Variants in CFAP418 observed in about 807,000 individuals in gnomAD.
The protein encoded by CFAP418 is cilia- and flagella-associated protein 418.
Under a neutral mutation model 24.7 loss-of-function variants are expected in CFAP418, and 27 were observed. The ratio of observed to expected loss-of-function variants is 1.09; its 90% CI spans 0.81 to 1.51. The LOEUF is 1.51. CFAP418 is among the 40% of genes most tolerant of loss of function. CFAP418 has a pLI of 0.00. For missense variants in CFAP418, 257 were observed against 255.2 expected, an observed-to-expected ratio of 1.01 and a Z score of -0.05; for synonymous variants, 74 against 87.3, an observed-to-expected ratio of 0.85 and a Z score of 0.85.
rs1812046020 is a variant in CFAP418, at chr8:95,268,467, T to G, written c.155+568A>C. Among the ~76,000 whole-genome samples the G allele has an allele frequency of 4.0e-5, 6 of 151,770 alleles. No homozygotes were observed. In the South Asian group the frequency reaches 1.0e-3, roughly 26 times the overall value. On this transcript the variant is annotated intron_variant, in intron 1 of 5. Coordinates refer to ENST00000286688, the MANE Select transcript of CFAP418 (RefSeq NM_177965.4). ...TCCAACCTGGGCGACAGAGCGAGACTCCATCTCAAAAAACAAACAAAACAA... is the reference window on the plus strand; with the variant it reads ...TCCAACCTGGGCGACAGAGCGAGACGCCATCTCAAAAAACAAACAAAACAA...
intron 2 of CFAP418, among the ~76,000 whole-genome samples, chr8:95,260,942 C>A (rs1811878211): frequency 6.6e-6 from 1 of 152,096 alleles, no homozygotes; most frequent in Non-Finnish European, 1.5e-5. Flanking sequence ...GAATGTGCGT[C>A]ATATGAATTA....
At chr8:95,263,140 G>A (rs1811921606) in intron 2 of CFAP418, among the ~76,000 whole-genome samples, 1 of 152,132 alleles carries the variant, frequency 6.6e-6, no homozygotes. Flanking sequence ...AAAAGGTCCA[G>A]TAAAGCAAAT....
At chr8:95,248,742 G>T (rs1811664762) in intron 5 of CFAP418, among the ~76,000 whole-genome samples, 1 of 151,930 alleles carries the variant, frequency 6.6e-6, no homozygotes, top group South Asian at 2.1e-4. Context: ...GCAAAGAAAA[G>T]TAGAAAAAAT....
In CFAP418 at chr8:95,263,689, A is replaced by G; in HGVS notation, c.241T>C (p.Ser81Pro). The change falls in exon 2 of 6, where the codon TCT becomes CCT. Residue 81 changes from serine to proline, a missense_variant and splice_region_variant. Coordinates refer to ENST00000286688, the MANE Select transcript of CFAP418 (RefSeq NM_177965.4). ...LEEPNLDKKPSKLKSKSSGNT... is the reference protein window; with the variant it reads ...LEEPNLDKKPPKLKSKSSGNT... ...CATATTTATAACACTTGACTTACAG[A>G]GGGTTTTTTGTCCAAGTTGGGCTCT... is the stretch of plus-strand genomic sequence containing the variant. The G allele has an allele frequency of 6.3e-7, 1 of 1,579,990 alleles. No individual in the cohort carries two copies. The highest frequency in any genetic ancestry group is 8.7e-7 in the Non-Finnish European group (1 of 1,149,968).
intron 1 of CFAP418, 33 bp from the exon 2 acceptor site, chr8:95,263,807 C>T (rs1472763112): frequency 7.5e-7 from 1 of 1,334,294 alleles, no homozygotes; most frequent in Non-Finnish European, 1.1e-6. Context: ...GAAAACTTAC[C>T]TGAGGTTTAT....
intron 4 of CFAP418, among the ~76,000 whole-genome samples, chr8:95,254,104 C>T (rs549703099): frequency 4.6e-5 from 7 of 152,266 alleles, no homozygotes; most frequent in South Asian, 2.1e-4. Flanking sequence ...TCCACTGCTA[C>T]GATTTACTCT....
At chr8:95,251,673 A>G (rs1057258430) in intron 5 of CFAP418, among the ~76,000 whole-genome samples, 12 of 152,234 alleles carry the variant, frequency 7.9e-5, no homozygotes, top group Middle Eastern at 3.2e-3. Context: ...CTTGTCCAGA[A>G]GTAACATGTC....
chr8:95,268,198 G>C (rs2132168724), intron 1 of CFAP418, among the ~76,000 whole-genome samples: 1 of 152,266 alleles, frequency 6.6e-6, no homozygotes, highest in East Asian at 1.9e-4. Context: ...TGTAATCCTA[G>C]CAGTTAGGGG....
rs1464210060 is a variant in CFAP418 at position 95,269,085 on chromosome 8, G to A, written c.105C>T (p.Gly35=). The part of the protein sequence containing the change: ...GMVEQPKGCG[G]GTHSSDRNQA... Reference sequence around the variant, plus strand: ...GGTTCCGGTCGCTACTGTGGGTGCCGCCGCCGCAGCCTTTGGGCTGCTCGA... The same window carrying A: ...GGTTCCGGTCGCTACTGTGGGTGCCACCGCCGCAGCCTTTGGGCTGCTCGA... Residue 35 remains glycine (G), a synonymous_variant, in exon 1 of 6, where the codon GGC becomes GGT. Coordinates refer to ENST00000286688, the MANE Select transcript of CFAP418 (RefSeq NM_177965.4). The A allele has an allele frequency of 1.1e-5, 17 of 1,614,066 alleles. No individual in the cohort carries two copies. Among genetic ancestry groups the A allele is most frequent in the Non-Finnish European group, 1.2e-5 (14 of 1,180,018 alleles).
At chr8:95,256,204 T>C (rs1366154328) in intron 4 of CFAP418, among the ~76,000 whole-genome samples, 1 of 152,242 alleles carries the variant, frequency 6.6e-6, no homozygotes, top group African/African-American at 2.4e-5. Context: ...GTTTACTTTT[T>C]AGAAGTAAAC....
At chr8:95,264,372 G>A (rs1811941038) in intron 1 of CFAP418, among the ~76,000 whole-genome samples, 1 of 152,168 alleles carries the variant, frequency 6.6e-6, no homozygotes, top group African/African-American at 2.4e-5. Context: ...AATAGCTGAT[G>A]CTAAATAGCT....
At chr8:95,259,405 T>C (rs572316993) in intron 4 of CFAP418, among the ~76,000 whole-genome samples, 4 of 152,300 alleles carry the variant, frequency 2.6e-5, no homozygotes, top group African/African-American at 4.8e-5. Context: ...GTTTTTGTTT[T>C]TGAAATATGT....
At chr8:95,266,899 T>C (rs1811992056) in intron 1 of CFAP418, among the ~76,000 whole-genome samples, 2 of 152,336 alleles carry the variant, frequency 1.3e-5, no homozygotes, top group Middle Eastern at 6.8e-3. Context: ...TCCACATAAA[T>C]AGTCCTTTCC....
chr8:95,256,070 C>T (rs866232626), intron 4 of CFAP418, among the ~76,000 whole-genome samples: 6 of 152,246 alleles, frequency 3.9e-5, no homozygotes, highest in East Asian at 3.9e-4. Flanking sequence ...ATAGGAGCCT[C>T]GAGCTATGAA....
Position 95,269,037 on chromosome 8 carries a change from G to T in CFAP418, c.153C>A (p.Leu51=). The T allele has an allele frequency of 6.2e-7, 1 of 1,613,980 alleles. No homozygotes were observed. The highest frequency in any genetic ancestry group is 1.1e-5 in the South Asian group (1 of 91,066). Residue 51 remains leucine (L), a splice_region_variant and synonymous_variant, in exon 1 of 6, where the codon CTC becomes CTA. Coordinates refer to ENST00000286688, the MANE Select transcript of CFAP418 (RefSeq NM_177965.4). ...TCCACCCCTCCCGCCCGGTTAACCTGAGCGTCTCTTTCGCCTTGGCTTGGT... is the reference window on the plus strand; with the variant it reads ...TCCACCCCTCCCGCCCGGTTAACCTTAGCGTCTCTTTCGCCTTGGCTTGGT... ...DRNQAKAKET[L]RSTETFKKED...
intron 4 of CFAP418, among the ~76,000 whole-genome samples, chr8:95,254,015 A>G (rs914301560): frequency 6.8e-4 from 104 of 152,356 alleles, no homozygotes; most frequent in African/African-American, 2.2e-3. Context: ...AGTTTATTCA[A>G]ATCTATTCAC....
chr8:95,257,506 G>T (rs1487818083), intron 4 of CFAP418, among the ~76,000 whole-genome samples: 1 of 151,834 alleles, frequency 6.6e-6, no homozygotes, highest in Non-Finnish European at 1.5e-5. Context: ...CTCCAACAAT[G>T]TTTTTTTTAA....
intron 1 of CFAP418, among the ~76,000 whole-genome samples, chr8:95,267,833 T>C (rs1012635085): frequency 6.6e-6 from 1 of 151,986 alleles, no homozygotes; most frequent in African/African-American, 2.4e-5. Context: ...CAAAAGATTC[T>C]AGCAAGAGTT....
intron 5 of CFAP418, among the ~76,000 whole-genome samples, chr8:95,248,402 C>T (rs1811659042): frequency 6.6e-6 from 1 of 152,118 alleles, no homozygotes; most frequent in African/African-American, 2.4e-5. Flanking sequence ...ACCTCAGATA[C>T]TCACCTATGC....
Sources: gnomAD v4.1 joint callset for allele counts (sites outside exome capture counted in the v4.1 genomes callset) on GRCh38, gnomAD v4.1.1 for gene constraint, MANE v1.5 for transcripts, NCBI Gene and HGNC (gene_info 2026-07-23, HGNC 2026-07-21) for gene names.